The following ADGRF5 variants were observed in gnomAD, a reference collection of about 807,000 sequenced individuals.
The protein encoded by ADGRF5 is adhesion G protein-coupled receptor F5.
In ADGRF5, 75 loss-of-function variants were observed where a neutral mutation model predicts 132.3. That is an observed-to-expected ratio of 0.57 (90% CI 0.47 to 0.69). ADGRF5 has a LOEUF of 0.69. ADGRF5 is among the 30% of genes least tolerant of loss of function. The probability of loss-of-function intolerance (pLI) is 0.00; values close to 1 mark genes in which losing one functional copy is unlikely to be tolerated. For missense variants in ADGRF5, 1,516 were observed against 1,630.6 expected, an observed-to-expected ratio of 0.93 and a Z score of 1.21; for synonymous variants, 629 against 597.6, an observed-to-expected ratio of 1.05 and a Z score of -0.77.
chr6:46,932,524 C>T (rs1777602757), intron 1 of ADGRF5, among the ~76,000 whole-genome samples: 1 of 152,136 alleles, frequency 6.6e-6, no homozygotes, highest in African/African-American at 2.4e-5. Context: ...ATTAATGCCC[C>T]CTGAAGCCCT....
intron 1 of ADGRF5, among the ~76,000 whole-genome samples, chr6:46,920,528 G>GGT (rs1554212981): frequency 1.5e-5 from 2 of 132,504 alleles, no homozygotes; most frequent in Non-Finnish European, 3.2e-5. Context: ...ATAATATTTG[G>GGT]GGGGGGGGAA....
chr6:46,909,211 T>C (rs919098249), intron 1 of ADGRF5: 1 of 152,130 alleles, frequency 6.6e-6, no homozygotes, highest in African/African-American at 2.4e-5. Context: ...GGCCCTTTAA[T>C]GCTAAATTCC....
chr6:46,861,270 A>G (rs1769719892), intron 15 of ADGRF5, among the ~76,000 whole-genome samples: 1 of 152,168 alleles, frequency 6.6e-6, no homozygotes, highest in African/African-American at 2.4e-5. Context: ...TACCCTGCCA[A>G]TCATTAAAGT....
chr6:46,923,888 C>A (rs1291209030), upstream of ADGRF5, among the ~76,000 whole-genome samples: 2 of 152,214 alleles, frequency 1.3e-5, no homozygotes, highest in Non-Finnish European at 2.9e-5. Context: ...ACTGTCACAG[C>A]AGCCGTTTTC....
rs754402377 is a variant in ADGRF5 at position 46,871,964 on chromosome 6, C to T, written c.1290G>A (p.Lys430=). The change falls in exon 11 of 21, where the codon AAG becomes AAA. Residue 430 remains lysine, a synonymous_variant. Transcript: ENST00000283296. ...CGCTTGGGCACTGGGTTCCATCAGC[C>T]TTGAGGGTGTATCTGCTGCAGCTAG... The part of the protein sequence containing the change: ...IDSSCSRYTL[K]ADGTQCPSGS... 1.3e-5 allele frequency: 21 copies of T among 1,613,056 alleles called. 1 individual carries two copies. In the South Asian group the frequency reaches 2.3e-4, roughly 18 times the overall value.
rs1177783524 is a variant in ADGRF5 at position 46,884,103 on chromosome 6, A to T, written c.497T>A (p.Leu166His). Residue 166 changes from leucine to histidine, a missense_variant, in exon 5 of 21, where the codon CTT becomes CAT. This residue lies in a region of ADGRF5 where 945 missense variants were observed against 929.4 expected (regional missense o/e 1.02). Transcript: ENST00000283296. Reference protein sequence around the residue: ...ELPPNGPFCLLQEDVTLNMRV... With the variant: ...ELPPNGPFCLHQEDVTLNMRV... ...AATGAGCAGTTACTTACCTTCCTGA[A>T]GCAGGCAAAAAGGTCCATTGGGAGG... is the stretch of plus-strand genomic sequence containing the variant. 8 of 1,613,648 alleles carry T rather than the reference A, an allele frequency of 5.0e-6. No individual in the cohort carries two copies. The highest frequency in any genetic ancestry group is 6.8e-6 in the Non-Finnish European group (8 of 1,179,626).
chr6:46,877,236 T>TTTC (rs1771781034), intron 10 of ADGRF5, among the ~76,000 whole-genome samples: 1 of 26,754 alleles, frequency 3.7e-5, no homozygotes, highest in Non-Finnish European at 7.1e-5. Flanking sequence ...TCTTTCTTTC[T>TTTC]TTCTTTCTTT....
chr6:46,878,525 G>C, intron 9 of ADGRF5, 120 bp from the exon 10 acceptor site: 2 of 680,414 alleles, frequency 2.9e-6, no homozygotes, highest in Non-Finnish European at 5.0e-6. Flanking sequence ...AAAAGCATCT[G>C]AGACTTGGTC....
At chr6:46,934,889 C>T (rs1384706886) in intron 1 of ADGRF5, among the ~76,000 whole-genome samples, 1 of 151,854 alleles carries the variant, frequency 6.6e-6, no homozygotes, top group Non-Finnish European at 1.5e-5. Context: ...ATTACTGAAA[C>T]TCACCAGTAA....
chr6:46,874,203 G>A (rs981912260), intron 10 of ADGRF5, among the ~76,000 whole-genome samples: 2 of 152,186 alleles, frequency 1.3e-5, no homozygotes, highest in Non-Finnish European at 2.9e-5. Context: ...TATTCACAGT[G>A]TGATTCCAAT....
chr6:46,945,547 A>C (rs1778272115), intron 1 of ADGRF5, among the ~76,000 whole-genome samples: 1 of 152,228 alleles, frequency 6.6e-6, no homozygotes, highest in African/African-American at 2.4e-5. Flanking sequence ...GCATGTGAAC[A>C]ATTACTGAGA....
chr6:46,928,325 A>G (rs540053740), intron 1 of ADGRF5, among the ~76,000 whole-genome samples: 1 of 152,300 alleles, frequency 6.6e-6, no homozygotes, highest in East Asian at 1.9e-4. Context: ...GTGCAAAAGA[A>G]AAACAGCCCC....
chr6:46,883,543 TGG>T lies in ADGRF5; in HGVS notation c.612+14_612+15del. On this transcript the variant is annotated intron_variant, in intron 6 of 20. Transcript: ENST00000283296. ...AACAGTTTGTTAGTTAAGAGGTTCT[TGG>T]GGCCAAAACCTACCGCTGTTTCCAA... 7.0e-7 allele frequency: 1 copy of T among 1,431,594 alleles called. No homozygotes were observed. The allele number at this position is 1,431,594 out of a possible 1,614,324, so 88.7% of individuals were successfully genotyped here.
At chr6:46,932,275 G>A (rs1457197183) in intron 1 of ADGRF5, among the ~76,000 whole-genome samples, 1 of 152,202 alleles carries the variant, frequency 6.6e-6, no homozygotes, top group African/African-American at 2.4e-5. Flanking sequence ...AGTGACTAAT[G>A]TGGAGGTAAG....
In ADGRF5 at chr6:46,880,625, T is replaced by G. The variant is rs147617248; in HGVS notation, c.815-586A>C. Among the ~76,000 whole-genome samples the G allele has an allele frequency of 2.9e-3, 436 of 152,298 alleles. 1 individual carries two copies. The highest frequency in any genetic ancestry group is 0.01 in the African/African-American group (416 of 41,580). On this transcript the variant is annotated intron_variant, in intron 8 of 20. Coordinates refer to ENST00000283296, the MANE Select transcript of ADGRF5 (RefSeq NM_001098518.2). ...ATCCTGGTTCTGTCCCACCCATAGC[T>G]GTGTGGCCCTGAGGAACTTGCTTAG...
chr6:46,858,147 G>A lies in ADGRF5; in HGVS notation c.3756C>T (p.Ala1252=), dbSNP rs1375628394. The A allele has an allele frequency of 6.2e-7, 1 of 1,611,880 alleles. No individual in the cohort carries two copies. Among genetic ancestry groups the A allele is most frequent in the East Asian group, 2.2e-5 (1 of 44,814 alleles). Residue 1252 remains alanine (A), a synonymous_variant, in exon 17 of 21, where the codon GCC becomes GCT. Coordinates refer to ENST00000283296, the MANE Select transcript of ADGRF5 (RefSeq NM_001098518.2). ...GTNLVFHIIF[A]ILNVFQGLFI... ...AACTCACCTGGAAGACATTGAGGATGGCAAATATGATATGGAACACAAGGT... is the reference window on the plus strand; with the variant it reads ...AACTCACCTGGAAGACATTGAGGATAGCAAATATGATATGGAACACAAGGT...
At chr6:46,873,494 C>T (rs1240519049) in intron 10 of ADGRF5, among the ~76,000 whole-genome samples, 1 of 152,134 alleles carries the variant, frequency 6.6e-6, no homozygotes, top group Admixed American at 6.5e-5. Context: ...ATGCTTGAGT[C>T]CTAGATGTCT....
chr6:46,908,347 A>G (rs769964608), intron 1 of ADGRF5, among the ~76,000 whole-genome samples: 2 of 152,160 alleles, frequency 1.3e-5, no homozygotes, highest in Non-Finnish European at 2.9e-5. Flanking sequence ...GGTATTGAAC[A>G]GGCTAATACA....
rs35014340 is a variant in ADGRF5 at position 46,893,058 on chromosome 6, A to ATTTTTTTT, written c.158-4561_158-4554dup. 8.0e-4 allele frequency among the ~76,000 whole-genome samples: 69 copies of ATTTTTTTT among 86,736 alleles called. 6 individuals carry two copies. Among genetic ancestry groups the ATTTTTTTT allele is most frequent in the Non-Finnish European group, 1.1e-3 (53 of 47,724 alleles). 56.9% of individuals were successfully genotyped at this position (86,736 alleles called of 152,430 possible). ...GGCAAGAGTGATGGGGACAACAGGG[A>ATTTTTTTT]TTTTTTTTTTTTTTTTTTTTTTTTT... On this transcript the variant is annotated intron_variant, in intron 3 of 20. Transcript: ENST00000283296.
Sources: gnomAD v4.1 joint callset for allele counts (sites outside exome capture counted in the v4.1 genomes callset) on GRCh38, gnomAD v4.1.1 for gene constraint, gnomAD v4.1.1 regional missense constraint, MANE v1.5 for transcripts, NCBI Gene and HGNC (gene_info 2026-07-23, HGNC 2026-07-21) for gene names.